The following FAF1 variants were observed in gnomAD, a reference collection of about 807,000 sequenced individuals.
The protein encoded by FAF1 is FAS-associated factor 1.
A neutral mutation model predicts 92.5 loss-of-function variants in FAF1; 25 were observed. The ratio of observed to expected loss-of-function variants is 0.27; its 90% CI spans 0.20 to 0.38. FAF1 has a LOEUF of 0.38. Ranked by LOEUF, FAF1 falls within the 10% of genes least tolerant of loss-of-function variation. FAF1 has a pLI of 1.00. For missense variants in FAF1, 636 were observed against 793.3 expected (o/e 0.80, Z 2.38); for synonymous variants, 234 against 273.2 (o/e 0.86, Z 1.42).
intron 1 of FAF1, among the ~76,000 whole-genome samples, chr1:50,882,866 A>G (rs1644625312): frequency 6.6e-6 from 1 of 151,830 alleles, no homozygotes; most frequent in Admixed American, 6.6e-5. Flanking sequence ...GGCACCTGTA[A>G]TCCCAGACAC....
At chr1:50,850,367 AAC>A (rs1644338004) in intron 2 of FAF1, among the ~76,000 whole-genome samples, 1 of 152,204 alleles carries the variant, frequency 6.6e-6, no homozygotes, top group Admixed American at 6.5e-5. Context: ...CAAATCCAGT[AAC>A]AGAGGCCTTT....
intron 3 of FAF1, among the ~76,000 whole-genome samples, chr1:50,795,190 C>T (rs576188783): frequency 6.6e-6 from 1 of 152,262 alleles, no homozygotes; most frequent in Non-Finnish European, 1.5e-5. Context: ...CTGCAAATGA[C>T]ACAGACTAAT....
In FAF1 at chr1:50,475,697, C is replaced by T; in HGVS notation, c.1654-18G>A. ...CGGATGGCCTAGGGAGAGCAAAAAC[C>T]AGGTGTTAAAATGTGAGAAGGACTG... On this transcript the variant is annotated intron_variant, in intron 17 of 18. Coordinates refer to ENST00000396153, the MANE Select transcript of FAF1 (RefSeq NM_007051.3). The T allele has an allele frequency of 6.3e-7, 1 of 1,582,144 alleles. No homozygotes were observed. The highest frequency in any genetic ancestry group is 8.6e-7 in the Non-Finnish European group (1 of 1,156,324).
intron 8 of FAF1, among the ~76,000 whole-genome samples, chr1:50,616,599 T>G (rs534970926): frequency 2.6e-4 from 39 of 152,278 alleles, no homozygotes; most frequent in Non-Finnish European, 5.3e-4. Flanking sequence ...TTGTGGCTAA[T>G]GTAAATGGGA....
At chr1:50,858,529 A>C (rs868514391) in intron 1 of FAF1, among the ~76,000 whole-genome samples, 1 of 151,816 alleles carries the variant, frequency 6.6e-6, no homozygotes, top group East Asian at 1.9e-4. Flanking sequence ...AAGATGTGCT[A>C]TAAGTACGAA....
intron 13 of FAF1, among the ~76,000 whole-genome samples, chr1:50,543,608 A>G (rs1648859729): frequency 6.6e-6 from 1 of 152,218 alleles, no homozygotes; most frequent in South Asian, 2.1e-4. Flanking sequence ...TACTATTATT[A>G]AATGCATAAT....
chr1:50,520,921 TC>T (rs1647466263), intron 15 of FAF1, among the ~76,000 whole-genome samples: 1 of 152,220 alleles, frequency 6.6e-6, no homozygotes, highest in Non-Finnish European at 1.5e-5. Flanking sequence ...TTCTTCTAGA[TC>T]ATATAACAAA....
intron 8 of FAF1, among the ~76,000 whole-genome samples, chr1:50,597,596 C>CA (rs1279883831): frequency 6.6e-5 from 10 of 151,984 alleles, no homozygotes; most frequent in African/African-American, 2.2e-4. Flanking sequence ...TACATCAACA[C>CA]AAAAAGTTTA....
chr1:50,912,467 G>A (rs562794116), intron 1 of FAF1, among the ~76,000 whole-genome samples: 1 of 152,296 alleles, frequency 6.6e-6, no homozygotes, highest in Admixed American at 6.5e-5. Context: ...CTAGGTGGTG[G>A]TATTCTTAGA....
intron 12 of FAF1, among the ~76,000 whole-genome samples, chr1:50,579,305 TC>T (rs778724344): frequency 4.3e-4 from 65 of 152,260 alleles, no homozygotes; most frequent in Non-Finnish European, 7.2e-4. Context: ...ACATAGTATA[TC>T]TTACAGAAGC....
chr1:50,683,317 A>AT (rs1226555132), intron 7 of FAF1, among the ~76,000 whole-genome samples: 1 of 151,916 alleles, frequency 6.6e-6, no homozygotes, highest in East Asian at 1.9e-4. Context: ...ACTTGAGGCC[A>AT]GGAGTTTGAG....
intron 7 of FAF1, among the ~76,000 whole-genome samples, chr1:50,689,374 G>A (rs770462879): frequency 6.6e-6 from 1 of 152,118 alleles, no homozygotes; most frequent in Non-Finnish European, 1.5e-5. Context: ...CACGAGGTCA[G>A]GAGATACAGA....
chr1:50,732,893 C>CT lies in FAF1; in HGVS notation c.551+5969dup, dbSNP rs200456232. ...CTAGATGTATGCAGGTTATTTACTTCTTTTTTTTTTTAGTGTTTATTCTCT... is the reference window on the plus strand; with the variant it reads ...CTAGATGTATGCAGGTTATTTACTTCTTTTTTTTTTTTAGTGTTTATTCTCT... On this transcript the variant is annotated intron_variant, in intron 6 of 18. Transcript: ENST00000396153. Among the ~76,000 whole-genome samples, 1,114 of 144,576 alleles carry CT rather than the reference C, an allele frequency of 7.7e-3. 12 individuals are homozygous for CT. Among genetic ancestry groups the CT allele is most frequent in the South Asian group, 0.052 (238 of 4,592 alleles). The allele number at this position is 144,576 out of a possible 152,430, so 94.8% of individuals were successfully genotyped here. A position where few individuals can be genotyped will look rare whatever the true frequency, so the allele number is the denominator to read the frequency against.
intron 1 of FAF1, among the ~76,000 whole-genome samples, chr1:50,930,744 A>G (rs530699799): frequency 9.2e-4 from 140 of 152,294 alleles, no homozygotes; most frequent in African/African-American, 3.0e-3. Flanking sequence ...TGGAGCTTGC[A>G]ATGAGCCGAG....
At chr1:50,660,646 AC>A (rs1655333268) in intron 7 of FAF1, among the ~76,000 whole-genome samples, 2 of 151,984 alleles carry the variant, frequency 1.3e-5, no homozygotes, top group Non-Finnish European at 2.9e-5. Flanking sequence ...GGAGTGTGCC[AC>A]CACACCTGGC....
chr1:50,711,463 C>CTTTT (rs1160668174), intron 6 of FAF1, among the ~76,000 whole-genome samples: 51 of 81,958 alleles, frequency 6.2e-4, no homozygotes, highest in East Asian at 9.4e-4. Context: ...TCCACACTGA[C>CTTTT]TTTTTTTTTT....
At chr1:50,528,604 A>G (rs1211745615) in intron 15 of FAF1, among the ~76,000 whole-genome samples, 1 of 152,220 alleles carries the variant, frequency 6.6e-6, no homozygotes, top group East Asian at 1.9e-4. Context: ...GGCATCTTCT[A>G]TACTGGTACT....
chr1:50,863,126 T>A (rs569279834), intron 1 of FAF1, among the ~76,000 whole-genome samples: 1 of 152,030 alleles, frequency 6.6e-6, no homozygotes, highest in African/African-American at 2.4e-5. Flanking sequence ...CAAAATGAGT[T>A]CCAATCAATT....
chr1:50,875,050 C>A (rs949210854), intron 1 of FAF1, among the ~76,000 whole-genome samples: 1 of 151,640 alleles, frequency 6.6e-6, no homozygotes, highest in African/African-American at 2.4e-5. Flanking sequence ...AGTTATACCA[C>A]CATGTTTTTT....
Sources: allele counts gnomAD v4.1 joint callset (sites outside exome capture counted in the v4.1 genomes callset), GRCh38; gene constraint gnomAD v4.1.1; transcripts MANE v1.5; gene names NCBI Gene and HGNC (gene_info 2026-07-23, HGNC 2026-07-21).